The following CSMD2 variants were observed in gnomAD, a reference collection of about 807,000 sequenced individuals.
CSMD2 encodes CUB and Sushi multiple domains 2.
In CSMD2, 130 loss-of-function variants were observed where a neutral mutation model predicts 398.5. The observed-to-expected ratio is 0.33, with a 90% confidence interval of 0.28 to 0.38. CSMD2 has a LOEUF of 0.38. Among genes scored for constraint, CSMD2 ranks in the 10% least tolerant of loss-of-function variants. CSMD2 has a pLI of 1.00. For synonymous variants in CSMD2, 1,828 were observed against 1,908.5 expected, an observed-to-expected ratio of 0.96 and a Z score of 1.10; for missense variants, 3,829 against 4,764.9, an observed-to-expected ratio of 0.80 and a Z score of 5.78.
rs200232290 is a variant in CSMD2 at position 33,550,145 on chromosome 1, T to C, written c.8917+32A>G. 22 of 1,600,198 alleles carry C rather than the reference T, an allele frequency of 1.4e-5. No individual in the cohort carries two copies. The East Asian group carries it at 4.3e-4, about 31-fold the overall frequency. On this transcript the variant is annotated intron_variant, in intron 56 of 70. Coordinates refer to ENST00000373381, the MANE Select transcript of CSMD2 (RefSeq NM_001281956.2). ...ACCTCCCATCAGTCAAGCATTCCAC[T>C]GGAGCTCTTTCCTCAATGCCATGCA...
At chr1:33,796,566 G>T (rs6425839) in intron 10 of CSMD2, among the ~76,000 whole-genome samples, 65,581 of 152,010 alleles carry the variant, frequency 0.43, 16,151 homozygotes, top group East Asian at 0.66. Flanking sequence ...ATCTTTGTAA[G>T]CTGAGAGTAT....
intron 54 of CSMD2, 38 bp from the exon 55 acceptor site, chr1:33,557,960 C>A: frequency 6.6e-7 from 1 of 1,508,542 alleles, no homozygotes; most frequent in East Asian, 2.5e-5. Flanking sequence ...CATGGATTCC[C>A]AGTATAGTAA....
intron 5 of CSMD2, among the ~76,000 whole-genome samples, chr1:33,917,687 C>G (rs1033606062): frequency 6.6e-6 from 1 of 152,204 alleles, no homozygotes. Context: ...TAAAAATGTT[C>G]TAGTCTCAGC....
intron 13 of CSMD2, among the ~76,000 whole-genome samples, chr1:33,761,906 C>T (rs990135052): frequency 6.6e-6 from 1 of 152,160 alleles, no homozygotes; most frequent in Non-Finnish European, 1.5e-5. Context: ...ATCTAAGTCC[C>T]AGAGCAAGAT....
intron 6 of CSMD2, among the ~76,000 whole-genome samples, chr1:33,836,914 C>T (rs906597002): frequency 6.6e-6 from 1 of 152,208 alleles, no homozygotes; most frequent in Admixed American, 6.5e-5. Flanking sequence ...CATCCAGTAC[C>T]TCAGTTGGAA....
intron 4 of CSMD2, among the ~76,000 whole-genome samples, chr1:33,932,778 A>G (rs1644354900): frequency 6.6e-6 from 1 of 152,194 alleles, no homozygotes; most frequent in African/African-American, 2.4e-5. Flanking sequence ...CTCTTTGTTC[A>G]GGAAAATACT....
At chr1:33,899,262 A>G (rs1390153407) in intron 5 of CSMD2, among the ~76,000 whole-genome samples, 1 of 152,008 alleles carries the variant, frequency 6.6e-6, no homozygotes, top group Non-Finnish European at 1.5e-5. Context: ...GCCAGCCCAC[A>G]TCAACCAACC....
At chr1:33,841,054 C>T (rs1332398953) in intron 6 of CSMD2, among the ~76,000 whole-genome samples, 1 of 152,204 alleles carries the variant, frequency 6.6e-6, no homozygotes, top group Non-Finnish European at 1.5e-5. Flanking sequence ...TAAGTTTATT[C>T]TGCAGACAAT....
At chr1:33,778,951 C>T in intron 12 of CSMD2, among the ~76,000 whole-genome samples, 1 of 152,196 alleles carries the variant, frequency 6.6e-6, no homozygotes, top group South Asian at 2.1e-4. Flanking sequence ...ACCCAGAACC[C>T]TCTGCTATCC....
chr1:33,797,937 C>G (rs886669494), intron 10 of CSMD2, among the ~76,000 whole-genome samples: 6 of 152,202 alleles, frequency 3.9e-5, no homozygotes, highest in African/African-American at 1.4e-4. Context: ...TGATTCACAT[C>G]ACTGGTTAGA....
chr1:33,590,132 T>G (rs1570849616), intron 44 of CSMD2, among the ~76,000 whole-genome samples: 1 of 18,226 alleles, frequency 5.5e-5, no homozygotes, highest in Non-Finnish European at 9.5e-5. Flanking sequence ...TAAAACTAGG[T>G]TTTTTTTTTT....
At chr1:33,701,675 C>T (rs976396832) in intron 22 of CSMD2, among the ~76,000 whole-genome samples, 2 of 152,244 alleles carry the variant, frequency 1.3e-5, no homozygotes, top group African/African-American at 4.8e-5. Context: ...GTTTAGGCTC[C>T]TGGGAGCCTG....
At chr1:33,732,952 C>G (rs1646768761) in intron 15 of CSMD2, among the ~76,000 whole-genome samples, 1 of 152,182 alleles carries the variant, frequency 6.6e-6, no homozygotes, top group African/African-American at 2.4e-5. Flanking sequence ...GCTGAGGGAA[C>G]ATACTTGAGG....
chr1:33,941,635 C>T (rs1204842527), intron 3 of CSMD2, among the ~76,000 whole-genome samples: 1 of 152,138 alleles, frequency 6.6e-6, no homozygotes, highest in African/African-American at 2.4e-5. Flanking sequence ...CTAGGCACTT[C>T]TGCATCATAT....
intron 3 of CSMD2, among the ~76,000 whole-genome samples, chr1:33,945,136 C>T (rs1022873147): frequency 1.3e-5 from 2 of 151,930 alleles, no homozygotes; most frequent in South Asian, 2.1e-4. Flanking sequence ...TCCTCTCTTC[C>T]ACCTGGGATT....
chr1:33,659,976 A>G (rs2148991989), intron 26 of CSMD2, among the ~76,000 whole-genome samples: 1 of 152,374 alleles, frequency 6.6e-6, no homozygotes, highest in East Asian at 1.9e-4. Flanking sequence ...TTTCCTTCCC[A>G]GTTAAAATCA....
chr1:34,078,004 T>A lies in CSMD2; in HGVS notation c.404+10973A>T, dbSNP rs567955265. 4.6e-5 allele frequency among the ~76,000 whole-genome samples: 7 copies of A among 152,288 alleles called. No homozygotes were observed. The East Asian group carries it at 1.3e-3, about 29-fold the overall frequency. On this transcript the variant is annotated intron_variant, in intron 2 of 70. Coordinates refer to ENST00000373381, the MANE Select transcript of CSMD2 (RefSeq NM_001281956.2). Reference sequence around the variant, plus strand: ...AACTTGTACTCATGAAATTTTTTTTTATTTTTATTTTTCAGAGACTAGGTT... The same window carrying A: ...AACTTGTACTCATGAAATTTTTTTTAATTTTTATTTTTCAGAGACTAGGTT...
intron 3 of CSMD2, among the ~76,000 whole-genome samples, chr1:33,977,706 C>T (rs1234191678): frequency 3.3e-5 from 5 of 151,966 alleles, no homozygotes; most frequent in African/African-American, 4.8e-5. Flanking sequence ...CCTTCCCTGA[C>T]CCAACCCTTC....
chr1:33,622,011 A>G (rs773648961), intron 37 of CSMD2, among the ~76,000 whole-genome samples, 156 bp downstream of exon 37: 5 of 152,104 alleles, frequency 3.3e-5, no homozygotes, highest in Admixed American at 6.5e-5. Context: ...GAGGTTTCAG[A>G]CCTTCTCTGG....
Sources: gnomAD v4.1 joint callset for allele counts (sites outside exome capture counted in the v4.1 genomes callset) on GRCh38, gnomAD v4.1.1 for gene constraint, MANE v1.5 for transcripts, NCBI Gene and HGNC (gene_info 2026-07-23, HGNC 2026-07-21) for gene names.